SLC25A13: variants seen among roughly 807,000 people sequenced by gnomAD.
SLC25A13 encodes the protein electrogenic aspartate/glutamate antiporter SLC25A13, mitochondrial.
Under a neutral mutation model 85.5 loss-of-function variants are expected in SLC25A13, and 70 were observed. That is an observed-to-expected ratio of 0.82 (90% CI 0.68 to 1.00). The LOEUF is 1.00. Among genes scored for constraint, SLC25A13 ranks in the 50% least tolerant of loss-of-function variants. The probability of loss-of-function intolerance (pLI) is 0.00; values close to 1 mark genes in which losing one functional copy is unlikely to be tolerated. For missense variants in SLC25A13, 765 were observed against 819.8 expected, an observed-to-expected ratio of 0.93 and a Z score of 0.82; for synonymous variants, 259 against 288.7, an observed-to-expected ratio of 0.90 and a Z score of 1.04.
At chr7:96,132,254 G>A (rs1445329695) in intron 14 of SLC25A13, among the ~76,000 whole-genome samples, 3 of 152,092 alleles carry the variant, frequency 2.0e-5, no homozygotes, top group Admixed American at 6.5e-5. Context: ...GACGGGTAAC[G>A]GCAGTCAAGA....
chr7:96,309,754 A>T (rs1799884196), intron 1 of SLC25A13: 1 of 152,198 alleles, frequency 6.6e-6, no homozygotes, highest in Non-Finnish European at 1.5e-5. Context: ...TGACATCATT[A>T]TCTCACCCAA....
rs377258859 is a variant in SLC25A13, at chr7:96,194,627, A to G, written c.469-1444T>C. Among the ~76,000 whole-genome samples, 5 of 152,178 alleles carry G rather than the reference A, an allele frequency of 3.3e-5. 1 individual carries two copies. Among genetic ancestry groups the G allele is most frequent in the Non-Finnish European group, 1.5e-5 (1 of 67,998 alleles). ...TTGTCCTTATGAATTTGTGCAAACT[A>G]AAGTGTAAGGGAAATGACATGAGTC... On this transcript the variant is annotated intron_variant, in intron 5 of 17. Transcript: ENST00000265631.
chr7:96,240,383 C>T lies in SLC25A13; in HGVS notation c.213-5466G>A, dbSNP rs945966003. The stretch of plus-strand genomic sequence containing the variant: ...TGTGATCAAGTAAAGATGGGAGATG[C>T]GGGAGGAGAGTCCACCAGCTGCAGT... On this transcript the variant is annotated intron_variant, in intron 3 of 17. Coordinates refer to ENST00000265631, the MANE Select transcript of SLC25A13 (RefSeq NM_014251.3). Among the ~76,000 whole-genome samples the T allele has an allele frequency of 9.2e-5, 14 of 152,106 alleles. 1 individual carries two copies. The highest frequency in any genetic ancestry group is 7.2e-4 in the Admixed American group (11 of 15,270).
At chr7:96,143,576 G>A (rs1159294430) in intron 14 of SLC25A13, among the ~76,000 whole-genome samples, 1 of 152,152 alleles carries the variant, frequency 6.6e-6, no homozygotes, top group South Asian at 2.1e-4. Flanking sequence ...GCATTTTAGA[G>A]GGGGGCTTTA....
At chr7:96,142,970 G>GA (rs1213814312) in intron 14 of SLC25A13, among the ~76,000 whole-genome samples, 1 of 152,106 alleles carries the variant, frequency 6.6e-6, no homozygotes, top group Non-Finnish European at 1.5e-5. Context: ...AAATGCAGTG[G>GA]AAAAAAACAA....
chr7:96,171,409 C>G (rs1264321770), intron 12 of SLC25A13, 63 bp downstream of exon 12: 1 of 1,438,522 alleles, frequency 7.0e-7, no homozygotes, highest in East Asian at 2.3e-5. Context: ...TATAAGAATA[C>G]CTGCTAGATT....
At chr7:96,312,555 T>C (rs1799988681) in intron 1 of SLC25A13, among the ~76,000 whole-genome samples, 1 of 152,214 alleles carries the variant, frequency 6.6e-6, no homozygotes, top group Admixed American at 6.5e-5. Context: ...TATTAATCCC[T>C]GAAGACTTTG....
chr7:96,276,128 A>G (rs1798442232), intron 3 of SLC25A13, among the ~76,000 whole-genome samples: 1 of 152,206 alleles, frequency 6.6e-6, no homozygotes, highest in Admixed American at 6.5e-5. Context: ...ACAGAAGCAA[A>G]GTCTCCTACA....
intron 13 of SLC25A13, among the ~76,000 whole-genome samples, chr7:96,163,328 G>T (rs1389392179): frequency 6.6e-6 from 1 of 152,152 alleles, no homozygotes; most frequent in Non-Finnish European, 1.5e-5. Context: ...AGTCAAGCAG[G>T]TGCTCTGGAG....
At chr7:96,321,584 G>A (rs1185375110) in intron 1 of SLC25A13, among the ~76,000 whole-genome samples, 1 of 152,196 alleles carries the variant, frequency 6.6e-6, no homozygotes, top group African/African-American at 2.4e-5. Flanking sequence ...GCGCTGGGAA[G>A]GTAGAGAGGA....
intron 3 of SLC25A13, among the ~76,000 whole-genome samples, chr7:96,235,739 G>C: frequency 6.6e-6 from 1 of 152,116 alleles, no homozygotes; most frequent in Non-Finnish European, 1.5e-5. Context: ...TAGAAATATA[G>C]GACCAGAGGT....
At chr7:96,193,963 T>C (rs1347716831) in intron 5 of SLC25A13, among the ~76,000 whole-genome samples, 2 of 152,292 alleles carry the variant, frequency 1.3e-5, no homozygotes, top group African/African-American at 2.4e-5. Flanking sequence ...CAGAGCTCTG[T>C]TGCTATTCCC....
In SLC25A13 at chr7:96,153,474, G is replaced by A. The variant is rs1363823507; in HGVS notation, c.1312-6778C>T. On this transcript the variant is annotated intron_variant, in intron 13 of 17. Coordinates refer to ENST00000265631, the MANE Select transcript of SLC25A13 (RefSeq NM_014251.3). ...TTCCTCAACTCAAAACAGGTTAGAA[G>A]GTACAGCAGGTGGCCATGTGTTTAA... Among the ~76,000 whole-genome samples the A allele has an allele frequency of 2.6e-5, 4 of 152,236 alleles. No homozygotes were observed. The East Asian group carries it at 7.7e-4, about 29-fold the overall frequency.
At chr7:96,298,200 G>A (rs1462428097) in intron 1 of SLC25A13, among the ~76,000 whole-genome samples, 2 of 152,284 alleles carry the variant, frequency 1.3e-5, no homozygotes, top group East Asian at 3.9e-4. Context: ...CTGTGAGCTA[G>A]TGAAGGCTGT....
chr7:96,122,021 C>T lies in SLC25A13; in HGVS notation c.1592-24G>A. On this transcript the variant is annotated intron_variant, in intron 15 of 17. Transcript: ENST00000265631. ...ACCTGCAGGAGAGACACAACACCAT[C>T]TCAGTCTGGTCACATTCTCACTATA... The T allele has an allele frequency of 6.2e-6, 10 of 1,613,980 alleles. No homozygotes were observed. The South Asian group carries it at 7.7e-5, about 12-fold the overall frequency.
intron 1 of SLC25A13, among the ~76,000 whole-genome samples, chr7:96,316,880 T>C (rs979991426): frequency 6.6e-6 from 1 of 152,166 alleles, no homozygotes; most frequent in Non-Finnish European, 1.5e-5. Flanking sequence ...CAGGCACACA[T>C]GGTGGACAGA....
chr7:96,271,640 A>T (rs1467079604), intron 3 of SLC25A13, among the ~76,000 whole-genome samples: 1 of 152,168 alleles, frequency 6.6e-6, no homozygotes, highest in Non-Finnish European at 1.5e-5. Context: ...CATCGATAAA[A>T]CCAAGAAAAC....
chr7:96,246,909 T>A (rs1375897499), intron 3 of SLC25A13, among the ~76,000 whole-genome samples: 2 of 152,264 alleles, frequency 1.3e-5, no homozygotes, highest in African/African-American at 2.4e-5. Context: ...AATTTTTACA[T>A]GTTAATTAAA....
At chr7:96,271,875 TTTTA>T (rs1300057505) in intron 3 of SLC25A13, among the ~76,000 whole-genome samples, 2 of 151,828 alleles carry the variant, frequency 1.3e-5, no homozygotes, top group East Asian at 1.9e-4. Flanking sequence ...TATTATTTTA[TTTTA>T]TTTATTTTAT....
Sources: gnomAD v4.1 joint callset for allele counts (sites outside exome capture counted in the v4.1 genomes callset) on GRCh38, gnomAD v4.1.1 for gene constraint, MANE v1.5 for transcripts, NCBI Gene and HGNC (gene_info 2026-07-23, HGNC 2026-07-21) for gene names.